Variants in ZMYND8 observed in about 807,000 individuals in gnomAD.
The protein encoded by ZMYND8 is MYND-type zinc finger-containing chromatin reader ZMYND8.
In ZMYND8, 37 loss-of-function variants were observed where a neutral mutation model predicts 140.8. The ratio of observed to expected loss-of-function variants is 0.26; its 90% CI spans 0.20 to 0.35. The LOEUF (loss-of-function observed/expected upper bound fraction) is 0.35, where lower values mean the gene tolerates loss of function less well. Among genes scored for constraint, ZMYND8 ranks in the 10% least tolerant of loss-of-function variants. The probability of loss-of-function intolerance (pLI) is 1.00; values close to 1 mark genes in which losing one functional copy is unlikely to be tolerated. For synonymous variants in ZMYND8, 592 were observed against 597.1 expected (o/e 0.99, Z 0.12); for missense variants, 1,068 against 1,570.0 (o/e 0.68, Z 5.40).
intron 10 of ZMYND8, among the ~76,000 whole-genome samples, chr20:47,277,626 A>AT (rs1203010824): frequency 4.6e-5 from 7 of 150,658 alleles, no homozygotes; most frequent in Non-Finnish European, 1.0e-4. Context: ...TTTGTGGGGG[A>AT]TTTTTTGTTT....
chr20:47,215,608 AAGT>A (rs1012937908), intron 21 of ZMYND8, among the ~76,000 whole-genome samples: 6 of 151,696 alleles, frequency 4.0e-5, no homozygotes, highest in African/African-American at 1.5e-4. Flanking sequence ...TCCTAGGCTC[AAGT>A]AACCCCCCTG....
At position 47,304,200 on chromosome 20, in the gene ZMYND8, G is replaced by C. The variant is rs781004990; in HGVS notation, c.235-5253C>G. ...CAGGTTATTAAGGGATACTGCAGAA[G>C]AGAAAATGTTCTTATTTCCCTGCTT... On this transcript the variant is annotated intron_variant, in intron 3 of 22. Transcript: ENST00000471951. 2.0e-5 allele frequency among the ~76,000 whole-genome samples: 3 copies of C among 152,186 alleles called. No homozygotes were observed. The East Asian group carries it at 5.8e-4, about 29-fold the overall frequency.
chr20:47,347,979 T>C lies in ZMYND8; in HGVS notation c.15-53A>G, dbSNP rs746109108. 4.5e-6 allele frequency: 7 copies of C among 1,541,742 alleles called. No individual in the cohort carries two copies. The East Asian group carries it at 1.1e-4, about 25-fold the overall frequency. ...TTAGGAAGGCTGAGAACTTGCCCCA[T>C]GGGGGCAGCTATTTGGAAGTTCTAG... On this transcript the variant is annotated intron_variant, in intron 1 of 22. Coordinates refer to ENST00000471951, the MANE Select transcript of ZMYND8 (RefSeq NM_001281775.3).
At position 47,212,703 on chromosome 20, in the gene ZMYND8, T is replaced by A; in HGVS notation, c.3507A>T (p.Gln1169His). 2 of 1,612,672 alleles carry A rather than the reference T, an allele frequency of 1.2e-6. No homozygotes were observed. The highest frequency in any genetic ancestry group is 1.7e-6 in the Non-Finnish European group (2 of 1,179,162). ...CTGTGGTGGTTGGGGCATAGGCAGG[T>A]TGCTTGTCACACCTTTTGCTAACTG... ...QGSVSKRCDK[Q>H]PAYAPTTTDH... The change falls in exon 22 of 23, where the codon CAA (glutamine) becomes CAT (histidine). Residue 1169 changes from glutamine (Q) to histidine (H), a missense_variant. By Grantham distance (24) the Gln-to-His change is conservative (BLOSUM62 0). Transcript: ENST00000471951.
At chr20:47,268,255 G>A (rs957952776) in intron 11 of ZMYND8, among the ~76,000 whole-genome samples, 1 of 150,390 alleles carries the variant, frequency 6.6e-6, no homozygotes, top group African/African-American at 2.4e-5. Flanking sequence ...TCAGGAGTTT[G>A]AGACCAGCCT....
At chr20:47,272,112 C>T (rs543248787) in intron 11 of ZMYND8, among the ~76,000 whole-genome samples, 2 of 151,718 alleles carry the variant, frequency 1.3e-5, no homozygotes. Context: ...GAGTCTCACT[C>T]TGTTGCCCAG....
At chr20:47,306,215 GA>G (rs1304118618) in intron 3 of ZMYND8, among the ~76,000 whole-genome samples, 1 of 152,088 alleles carries the variant, frequency 6.6e-6, no homozygotes, top group Non-Finnish European at 1.5e-5. Context: ...AAGAAAGTGA[GA>G]CCCCCATCTC....
chr20:47,246,114 G>A lies in ZMYND8; in HGVS notation c.2178C>T (p.Asp726=), dbSNP rs746548183. 3.7e-6 allele frequency: 6 copies of A among 1,614,184 alleles called. No homozygotes were observed. In the Admixed American group the frequency reaches 8.3e-5, roughly 22 times the overall value. Residue 726 remains aspartate (D), a synonymous_variant, in exon 14 of 23, where the codon GAC becomes GAT. Coordinates refer to ENST00000471951, the MANE Select transcript of ZMYND8 (RefSeq NM_001281775.3). ...TGACAAGTTCGCTCTCTGAATCAGA[G>A]TCCAGGCCCAAATGGACTGTTGGGG... The part of the protein sequence containing the change: ...TDSPTVHLGL[D]SDSESELVID...
At chr20:47,343,981 T>A (rs992894823) in intron 2 of ZMYND8, among the ~76,000 whole-genome samples, 1 of 149,820 alleles carries the variant, frequency 6.7e-6, no homozygotes, top group Non-Finnish European at 1.5e-5. Flanking sequence ...TTTTTTTTCT[T>A]TTTGAGATAG....
At chr20:47,302,214 C>T (rs913534734) in intron 3 of ZMYND8, among the ~76,000 whole-genome samples, 7 of 152,128 alleles carry the variant, frequency 4.6e-5, no homozygotes, top group African/African-American at 1.4e-4. Flanking sequence ...TGGTGGCACG[C>T]CTGTAATGTC....
chr20:47,303,876 G>A (rs1033500090), intron 3 of ZMYND8, among the ~76,000 whole-genome samples: 33 of 152,136 alleles, frequency 2.2e-4, no homozygotes, highest in African/African-American at 5.8e-4. Flanking sequence ...GGAGGATCCC[G>A]AGGACTGCCT....
At chr20:47,323,485 C>CA (rs2080145127) in intron 2 of ZMYND8, among the ~76,000 whole-genome samples, 2 of 152,154 alleles carry the variant, frequency 1.3e-5, no homozygotes, top group Non-Finnish European at 2.9e-5. Flanking sequence ...CTCAGCCTCT[C>CA]AAAGTACTAG....
At chr20:47,291,714 G>A in intron 6 of ZMYND8, 82 bp downstream of exon 6, 1 of 1,043,384 alleles carries the variant, frequency 9.6e-7, no homozygotes, top group Non-Finnish European at 1.3e-6. Context: ...TCCAACTTGT[G>A]ATAGAGCATA....
chr20:47,274,065 A>C (rs2076115858), intron 11 of ZMYND8, among the ~76,000 whole-genome samples: 1 of 91,230 alleles, frequency 1.1e-5, no homozygotes, highest in South Asian at 3.6e-4. Context: ...AAGCACTCAA[A>C]GAATGAGGTA....
At chr20:47,222,129 G>C (rs1478618242) in intron 19 of ZMYND8, among the ~76,000 whole-genome samples, 1 of 152,160 alleles carries the variant, frequency 6.6e-6, no homozygotes, top group Non-Finnish European at 1.5e-5. Flanking sequence ...TATATTTTTA[G>C]CCCCAGAGAC....
chr20:47,285,679 G>A (rs778404495), intron 8 of ZMYND8: 90 of 984,888 alleles, frequency 9.1e-5, no homozygotes, highest in Non-Finnish European at 1.0e-4. Flanking sequence ...CATCAAATGC[G>A]CAATGATATT....
chr20:47,353,508 G>A (rs1421429994), intron 1 of ZMYND8: 7 of 152,184 alleles, frequency 4.6e-5, no homozygotes, highest in Non-Finnish European at 1.0e-4. Context: ...CCTAGTTACA[G>A]ACTGAACACT....
Position 47,298,203 on chromosome 20 carries a change from G to T in ZMYND8, c.453+526C>A. 3 of 888,580 alleles carry T rather than the reference G, an allele frequency of 3.4e-6. No individual in the cohort carries two copies. The highest frequency in any genetic ancestry group is 4.0e-6 in the Non-Finnish European group (3 of 741,926). The allele number at this position is 888,580 out of a possible 1,614,324, so 55.0% of individuals were successfully genotyped here. A position where few individuals can be genotyped will look rare whatever the true frequency, so the allele number is the denominator to read the frequency against. ...TGCTGGAAAAAAAAAAATGATCCAT[G>T]CCTGTTTTTGTGCACTGTCGAATTC... is the stretch of plus-strand genomic sequence containing the variant. On this transcript the variant is annotated intron_variant, in intron 4 of 22. Transcript: ENST00000471951. The surrounding 1 kb of genome is among the most constrained non-coding windows in gnomAD (Gnocchi z 5.0).
rs550721822 is a variant in ZMYND8 at position 47,340,697 on chromosome 20, G to A, written c.85+7159C>T. ...AGCTACTCAGGAGGCTGAGGCAGGAGAATCACTTGAACCCGGGAAATGAAG... is the reference window on the plus strand; with the variant it reads ...AGCTACTCAGGAGGCTGAGGCAGGAAAATCACTTGAACCCGGGAAATGAAG... On this transcript the variant is annotated intron_variant, in intron 2 of 22. Coordinates refer to ENST00000471951, the MANE Select transcript of ZMYND8 (RefSeq NM_001281775.3). 2.2e-4 allele frequency among the ~76,000 whole-genome samples: 33 copies of A among 152,034 alleles called. No homozygotes were observed. In the East Asian group the frequency reaches 6.2e-3, roughly 28 times the overall value.
Sources: allele counts gnomAD v4.1 joint callset (sites outside exome capture counted in the v4.1 genomes callset), GRCh38; gene constraint gnomAD v4.1.1; non-coding constraint Gnocchi (gnomAD v3.1); transcripts MANE v1.5; gene names NCBI Gene and HGNC (gene_info 2026-07-23, HGNC 2026-07-21).